Variants in PC observed in about 807,000 individuals in gnomAD.
The protein encoded by PC is pyruvate carboxylase, mitochondrial.
Under a neutral mutation model 107.8 loss-of-function variants are expected in PC, and 46 were observed. That is an observed-to-expected ratio of 0.43 (90% CI 0.34 to 0.55). The LOEUF is 0.55. PC is among the 20% of genes least tolerant of loss of function. The pLI is 0.04. For missense variants in PC, 1,241 were observed against 1,643.1 expected, an observed-to-expected ratio of 0.76 and a Z score of 4.23; for synonymous variants, 662 against 684.7, an observed-to-expected ratio of 0.97 and a Z score of 0.52.
chr11:66,914,332 T>A (rs1948415503), intron 3 of PC, among the ~76,000 whole-genome samples: 1 of 151,558 alleles, frequency 6.6e-6, no homozygotes, highest in African/African-American at 2.4e-5. Flanking sequence ...GCCAATATGG[T>A]GAAACCCCGT....
chr11:66,888,417 G>A (rs1025474439), intron 3 of PC, among the ~76,000 whole-genome samples: 1 of 152,208 alleles, frequency 6.6e-6, no homozygotes, highest in Non-Finnish European at 1.5e-5. Context: ...GAAGCCCAGG[G>A]ATGGGCACGA....
At chr11:66,869,178 G>A (rs1399515109) in intron 9 of PC, among the ~76,000 whole-genome samples, 1 of 152,112 alleles carries the variant, frequency 6.6e-6, no homozygotes, top group African/African-American at 2.4e-5. Flanking sequence ...AGGCTCCAGG[G>A]TTCCCGGAGC....
chr11:66,881,726 T>G (rs904701022), intron 3 of PC, among the ~76,000 whole-genome samples: 9 of 152,352 alleles, frequency 5.9e-5, no homozygotes, highest in African/African-American at 2.2e-4. Flanking sequence ...ACTCACTCAG[T>G]AACCCTCACA....
chr11:66,859,154 C>T (rs1946084704), intron 12 of PC: 8 of 1,458,902 alleles, frequency 5.5e-6, no homozygotes, highest in African/African-American at 1.4e-5. Flanking sequence ...CCCTCTGCTC[C>T]CCACAAGGCT....
rs1027768905 is a variant in PC, at chr11:66,896,605, T to C, written c.1-24446A>G. ...GGGCAAGGAGGATGGACAGCGCCGC[T>C]GGCTCCCTTCAAGGGGAACTAAAGG... On this transcript the variant is annotated intron_variant, in intron 3 of 22. Coordinates refer to ENST00000393960, the MANE Select transcript of PC (RefSeq NM_001040716.2). 2.6e-5 allele frequency among the ~76,000 whole-genome samples: 4 copies of C among 152,252 alleles called. No individual in the cohort carries two copies. In the South Asian group the frequency reaches 6.2e-4, roughly 24 times the overall value.
At chr11:66,888,239 T>C (rs950091730) in intron 3 of PC, among the ~76,000 whole-genome samples, 8 of 152,240 alleles carry the variant, frequency 5.3e-5, no homozygotes, top group South Asian at 2.1e-4. Context: ...AGCAGTGACA[T>C]GGAGTCAGAA....
At chr11:66,912,533 G>A (rs545856102) in intron 3 of PC, among the ~76,000 whole-genome samples, 1 of 152,338 alleles carries the variant, frequency 6.6e-6, no homozygotes, top group South Asian at 2.1e-4. Context: ...TGACCTCAGC[G>A]CTGTGTGACT....
At chr11:66,879,076 C>T (rs1441683638) in intron 3 of PC, among the ~76,000 whole-genome samples, 1 of 152,206 alleles carries the variant, frequency 6.6e-6, no homozygotes, top group Non-Finnish European at 1.5e-5. Flanking sequence ...CAACTCCCTC[C>T]CCTCCCAGAT....
chr11:66,955,337 G>T (rs941248464), intron 1 of PC, among the ~76,000 whole-genome samples: 10 of 152,174 alleles, frequency 6.6e-5, no homozygotes, highest in Non-Finnish European at 1.3e-4. Flanking sequence ...CTATCACAGT[G>T]CCTGGGGCAC....
rs1275380274 is a variant in PC, at chr11:66,868,906, T to C, written c.962A>G (p.Tyr321Cys). 6.2e-7 allele frequency: 1 copy of C among 1,613,598 alleles called. No homozygotes were observed. The highest frequency in any genetic ancestry group is 1.3e-5 in the African/African-American group (1 of 74,904). The change falls in exon 10 of 23, where the codon TAC becomes TGC. Residue 321 changes from tyrosine (Y) to cysteine (C), a missense_variant. By Grantham distance (194) the Tyr-to-Cys change is radical. Transcript: ENST00000393960. ...CAGGCGGGAGTTGACCTCGATGAAG[T>C]AGTGCTTGCCGTGCCTGTCCACCAG... ...EFLVDRHGKHYFIEVNSRLQV... is the reference protein window; with the variant it reads ...EFLVDRHGKHCFIEVNSRLQV...
In PC at chr11:66,871,668, G is replaced by C. The variant is rs760426763; in HGVS notation, c.321+19C>G. 175 of 1,563,028 alleles carry C rather than the reference G, an allele frequency of 1.1e-4. No homozygotes were observed. The highest frequency in any genetic ancestry group is 1.5e-4 in the Non-Finnish European group (172 of 1,153,804). On this transcript the variant is annotated intron_variant, in intron 5 of 22. Coordinates refer to ENST00000393960, the MANE Select transcript of PC (RefSeq NM_001040716.2). This position sits in a 1 kb window ranked among gnomAD's most constrained non-coding sequence, Gnocchi z 7.4. ...CCCTGGTCCCTGCTGTCCAGGCCCA[G>C]CCAGGCCACTGGGCTCACCTTGGCC...
intron 3 of PC, among the ~76,000 whole-genome samples, chr11:66,888,201 A>G (rs1654413961): frequency 6.6e-6 from 1 of 152,248 alleles, no homozygotes; most frequent in Non-Finnish European, 1.5e-5. Flanking sequence ...ACACTTCTGA[A>G]GACCAAGGGT....
chr11:66,954,031 G>A lies in PC; in HGVS notation c.-40+218C>T, dbSNP rs114622548. ...CAATAAATCATTACTTATCATCATC[G>A]TTATGAAAAGAGAGCCCAGTCCAAC... is the stretch of plus-strand genomic sequence containing the variant. On this transcript the variant is annotated intron_variant, in intron 2 of 22. Coordinates refer to ENST00000393960, the MANE Select transcript of PC (RefSeq NM_001040716.2). 2.6e-3 allele frequency among the ~76,000 whole-genome samples: 402 copies of A among 152,240 alleles called. 1 individual carries two copies. The highest frequency in any genetic ancestry group is 9.3e-3 in the African/African-American group (385 of 41,528).
At chr11:66,946,330 C>A (rs375933237) in intron 3 of PC, among the ~76,000 whole-genome samples, 53 of 151,760 alleles carry the variant, frequency 3.5e-4, no homozygotes, top group African/African-American at 1.2e-3. Flanking sequence ...CCCACCTCTA[C>A]AAAGAAAATT....
Position 66,857,901 on chromosome 11 carries a change from C to T in PC, c.1369-4518G>A, listed in dbSNP as rs763870584. On this transcript the variant is annotated intron_variant, in intron 12 of 22. Transcript: ENST00000393960. This position sits in a 1 kb window ranked among gnomAD's most constrained non-coding sequence, Gnocchi z 7.1. The stretch of plus-strand genomic sequence containing the variant: ...CAACGTGGACCGGCGCACAGTGGAG[C>T]TGCGGCTGGCTGACAACTTCATCCA... 6.2e-6 allele frequency: 10 copies of T among 1,611,716 alleles called. No homozygotes were observed. The Admixed American group carries it at 1.5e-4, about 24-fold the overall frequency.
At chr11:66,850,176 G>A (rs1323000362) in intron 19 of PC, 44 bp downstream of exon 19, 6 of 1,613,630 alleles carry the variant, frequency 3.7e-6, no homozygotes, top group South Asian at 1.1e-5. Context: ...AGTGGCAGGT[G>A]CATGCAGGGC....
intron 3 of PC, among the ~76,000 whole-genome samples, chr11:66,949,300 G>T (rs1247523293): frequency 6.6e-6 from 1 of 151,832 alleles, no homozygotes; most frequent in Non-Finnish European, 1.5e-5. Context: ...CCGGCCAGAA[G>T]AATTATTAAA....
chr11:66,858,306 G>C lies in PC; in HGVS notation c.1369-4923C>G. On this transcript the variant is annotated intron_variant, in intron 12 of 22. Coordinates refer to ENST00000393960, the MANE Select transcript of PC (RefSeq NM_001040716.2). The surrounding 1 kb of genome is among the most constrained non-coding windows in gnomAD (Gnocchi z 5.9). ...CCTTATTGACGCACTGCCCCCAGGCGCCTTCGCCCAGCTCGGTCAGCTCTC... is the reference window on the plus strand; with the variant it reads ...CCTTATTGACGCACTGCCCCCAGGCCCCTTCGCCCAGCTCGGTCAGCTCTC... 6.2e-7 allele frequency: 1 copy of C among 1,610,264 alleles called. No individual in the cohort carries two copies. The highest frequency in any genetic ancestry group is 2.2e-5 in the East Asian group (1 of 44,846).
intron 3 of PC, among the ~76,000 whole-genome samples, chr11:66,918,781 C>T (rs1397794492): frequency 5.9e-5 from 9 of 152,144 alleles, no homozygotes; most frequent in Admixed American, 3.9e-4. Context: ...CCCTAAGCCA[C>T]GCCAAACACG....
Sources: gnomAD v4.1 joint callset for allele counts (sites outside exome capture counted in the v4.1 genomes callset) on GRCh38, gnomAD v4.1.1 for gene constraint, Gnocchi (gnomAD v3.1) non-coding constraint, MANE v1.5 for transcripts, NCBI Gene and HGNC (gene_info 2026-07-23, HGNC 2026-07-21) for gene names.